Variants in CNTN5 observed in about 807,000 individuals in gnomAD.
CNTN5 encodes the protein contactin 5.
CNTN5 carries 77 observed loss-of-function variants against 129.1 expected under a neutral mutation model. The ratio of observed to expected loss-of-function variants is 0.60; its 90% confidence interval spans 0.50 to 0.72. The LOEUF (loss-of-function observed/expected upper bound fraction) is 0.72, where lower values mean the gene tolerates loss of function less well. Ranked by LOEUF, CNTN5 falls within the 30% of genes least tolerant of loss-of-function variation. CNTN5 has a pLI of 0.00. For missense variants in CNTN5, 1,478 were observed against 1,328.8 expected (o/e 1.11, Z -1.75); for synonymous variants, 509 against 465.6 (o/e 1.09, Z -1.20).
chr11:99,879,100 G>C (rs1370038622), intron 6 of CNTN5, among the ~76,000 whole-genome samples: 2 of 151,778 alleles, frequency 1.3e-5, no homozygotes, highest in Non-Finnish European at 2.9e-5. Context: ...ACTACGCCCA[G>C]TTAATTTTTG....
At chr11:99,031,353 C>A (rs1863363813) in intron 1 of CNTN5, among the ~76,000 whole-genome samples, 1 of 151,838 alleles carries the variant, frequency 6.6e-6, no homozygotes, top group Non-Finnish European at 1.5e-5. Flanking sequence ...GTCCTTTATA[C>A]CCGTGCAATA....
intron 2 of CNTN5, among the ~76,000 whole-genome samples, chr11:99,466,222 C>A (rs1292011134): frequency 2.0e-5 from 3 of 151,932 alleles, no homozygotes; most frequent in Non-Finnish European, 2.9e-5. Context: ...AGAACTCACT[C>A]ACTTCTACGA....
chr11:99,213,223 A>G (rs950241317), intron 1 of CNTN5, among the ~76,000 whole-genome samples: 3 of 105,322 alleles, frequency 2.8e-5, no homozygotes, highest in Non-Finnish European at 6.4e-5. Flanking sequence ...GTGTGTGTAT[A>G]TATATATATT....
intron 3 of CNTN5, among the ~76,000 whole-genome samples, chr11:99,759,956 G>A (rs1272862847): frequency 1.3e-5 from 2 of 152,010 alleles, no homozygotes; most frequent in Admixed American, 1.3e-4. Context: ...GGCCTATGGG[G>A]GTGGAGTGAA....
intron 15 of CNTN5, among the ~76,000 whole-genome samples, chr11:100,200,805 T>C (rs1244258983): frequency 6.6e-6 from 1 of 151,930 alleles, no homozygotes; most frequent in Non-Finnish European, 1.5e-5. Flanking sequence ...CTCTCCTAGG[T>C]TGTAAATTTC....
intron 2 of CNTN5, among the ~76,000 whole-genome samples, chr11:99,370,486 C>A (rs1289935053): frequency 6.6e-6 from 1 of 152,074 alleles, no homozygotes; most frequent in Non-Finnish European, 1.5e-5. Flanking sequence ...TGAACACGTA[C>A]CTTCAAAAGA....
chr11:99,742,401 G>T (rs1943915262), intron 3 of CNTN5, among the ~76,000 whole-genome samples: 1 of 152,104 alleles, frequency 6.6e-6, no homozygotes, highest in Admixed American at 6.6e-5. Context: ...GACTGGAATG[G>T]AAAGAAGGAA....
intron 2 of CNTN5, among the ~76,000 whole-genome samples, chr11:99,328,184 T>G (rs1192190857): frequency 6.6e-6 from 1 of 152,218 alleles, no homozygotes; most frequent in African/African-American, 2.4e-5. Flanking sequence ...ATAAGTATTG[T>G]GTAAATTAAC....
chr11:99,285,233 T>C (rs1863881079), intron 1 of CNTN5, among the ~76,000 whole-genome samples: 1 of 152,168 alleles, frequency 6.6e-6, no homozygotes, highest in Non-Finnish European at 1.5e-5. Flanking sequence ...GCACGTCTAC[T>C]GTACTAAGGG....
chr11:99,835,652 G>A (rs1591281453), intron 4 of CNTN5, among the ~76,000 whole-genome samples: 1 of 135,680 alleles, frequency 7.4e-6, no homozygotes, highest in Non-Finnish European at 1.6e-5. Flanking sequence ...TTTAGGAATG[G>A]AAACATATGG....
rs1491480540 is a variant in CNTN5, at chr11:99,972,084, T to TA, written c.877+15075_877+15076insA. Among the ~76,000 whole-genome samples the TA allele has an allele frequency of 9.5e-4, 36 of 37,770 alleles. 1 individual carries two copies. Among genetic ancestry groups the TA allele is most frequent in the African/African-American group, 4.9e-3 (35 of 7,156 alleles). The allele number at this position is 37,770 out of a possible 152,430, so 24.8% of individuals were successfully genotyped here. On this transcript the variant is annotated intron_variant, in intron 8 of 24. Transcript: ENST00000524871. The stretch of plus-strand genomic sequence containing the variant: ...CTAACACGGTGAAAACTTATCTCTA[T>TA]TAAAAAAAAAAAAAAAAAAAAAAAA...
chr11:99,109,976 G>C (rs1857711551), intron 1 of CNTN5, among the ~76,000 whole-genome samples: 1 of 152,020 alleles, frequency 6.6e-6, no homozygotes, highest in African/African-American at 2.4e-5. Flanking sequence ...ATTTTTACTG[G>C]TGAACAAAAT....
At chr11:99,108,384 T>C (rs1436848352) in intron 1 of CNTN5, among the ~76,000 whole-genome samples, 1 of 152,092 alleles carries the variant, frequency 6.6e-6, no homozygotes, top group East Asian at 1.9e-4. Flanking sequence ...GACACAGCCA[T>C]AGGAACGTTG....
intron 2 of CNTN5, among the ~76,000 whole-genome samples, chr11:99,378,178 T>G (rs1336021918): frequency 6.6e-6 from 1 of 152,158 alleles, no homozygotes; most frequent in East Asian, 1.9e-4. Flanking sequence ...TTAACAATGC[T>G]TTGGACTCGT....
chr11:100,344,405 T>C (rs1241303905), intron 23 of CNTN5, among the ~76,000 whole-genome samples: 1 of 152,116 alleles, frequency 6.6e-6, no homozygotes, highest in African/African-American at 2.4e-5. Flanking sequence ...GTTAAGCTGC[T>C]ATATACAGGA....
chr11:99,182,490 T>C (rs567703812), intron 1 of CNTN5, among the ~76,000 whole-genome samples: 1 of 152,136 alleles, frequency 6.6e-6, no homozygotes, highest in African/African-American at 2.4e-5. Flanking sequence ...AAATTATGGA[T>C]AAAAATACAG....
intron 3 of CNTN5, among the ~76,000 whole-genome samples, chr11:99,798,616 T>C (rs1263262552): frequency 1.3e-5 from 2 of 152,242 alleles, no homozygotes; most frequent in East Asian, 3.9e-4. Context: ...TTCTGTTCCA[T>C]TGATTTGTGT....
At chr11:99,616,295 T>G (rs778466391) in intron 3 of CNTN5, among the ~76,000 whole-genome samples, 1 of 152,158 alleles carries the variant, frequency 6.6e-6, no homozygotes, top group Admixed American at 6.6e-5. Flanking sequence ...AGAATAATAA[T>G]AGTCTAAGCT....
chr11:99,411,962 C>G (rs182879409), intron 2 of CNTN5, among the ~76,000 whole-genome samples: 1 of 152,244 alleles, frequency 6.6e-6, no homozygotes, highest in East Asian at 1.9e-4. Flanking sequence ...AGACCCTTAA[C>G]TATGGGCCAG....
Sources: gnomAD v4.1 joint callset for allele counts (sites outside exome capture counted in the v4.1 genomes callset) on GRCh38, gnomAD v4.1.1 for gene constraint, MANE v1.5 for transcripts, NCBI Gene and HGNC (gene_info 2026-07-23, HGNC 2026-07-21) for gene names.